ZNF33A: variants seen among roughly 807,000 people sequenced by gnomAD.
ZNF33A encodes the protein brain my041 protein.
In ZNF33A, 9 loss-of-function variants were observed where a neutral mutation model predicts 15.9. The observed-to-expected ratio is 0.57, with a 90% CI of 0.34 to 0.99. ZNF33A has a LOEUF of 0.99. Among genes scored for constraint, ZNF33A ranks in the 50% least tolerant of loss-of-function variants. The pLI, the probability that ZNF33A is intolerant of heterozygous loss-of-function variation, is 0.02. For synonymous variants in ZNF33A, 294 were observed against 324.2 expected (o/e 0.91, Z 1.00); for missense variants, 843 against 941.6 (o/e 0.90, Z 1.37).
downstream of ZNF33A, chr10:38,060,213 G>A (rs1296997203): frequency 1.6e-6 from 1 of 613,492 alleles, no homozygotes; most frequent in Non-Finnish European, 2.0e-6. Context: ...TTAAGGACTA[G>A]TATTTTTGGT....
In ZNF33A at chr10:38,017,380, T is replaced by C; in HGVS notation, c.244T>C (p.Phe82Leu). 1.9e-6 allele frequency: 3 copies of C among 1,613,082 alleles called. 1 individual carries two copies. The highest frequency in any genetic ancestry group is 2.2e-5 in the East Asian group (1 of 44,870). ...KQEEEFPSQS[F>L]PEVWTADHLK... is the part of the protein sequence containing the mutation. ...GGAGGAAGAATTCCCAAGCCAAAGC[T>C]TTCCAGGTGAGTTAATATGTACTGC... The change falls in exon 4 of 5, where the codon TTT becomes CTT. Residue 82 changes from phenylalanine (F) to leucine (L), a missense_variant. Coordinates refer to ENST00000432900, the MANE Select transcript of ZNF33A (RefSeq NM_006954.2).
chr10:38,057,520 T>C lies in ZNF33A; in HGVS notation c.*960T>C. The C allele has an allele frequency of 5.1e-6, 5 of 985,460 alleles. No individual in the cohort carries two copies. Among genetic ancestry groups the C allele is most frequent in the Non-Finnish European group, 6.0e-6 (5 of 829,936 alleles). 61.0% of individuals were successfully genotyped at this position (985,460 alleles called of 1,614,324 possible). ...GGAAGTAGGTATCCTAGTTTAGTAG[T>C]GGTTACATTATCAGGCCCATCCCAG... On this transcript the variant is annotated 3_prime_UTR_variant, in exon 5 of 5. Coordinates refer to ENST00000432900, the MANE Select transcript of ZNF33A (RefSeq NM_006954.2).
Position 38,026,146 on chromosome 10 carries a change from A to C in ZNF33A, c.250+8760A>C, listed in dbSNP as rs190990345. Among the ~76,000 whole-genome samples the C allele has an allele frequency of 3.5e-3, 530 of 152,320 alleles. 14 individuals carry two copies. Among genetic ancestry groups the C allele is most frequent in the Admixed American group, 0.032 (486 of 15,286 alleles). Reference sequence around the variant, plus strand: ...TTAATCCATTCATCTGTTGATATACACTTGGGTCATACACCTTTTGGCTGT... The same window carrying C: ...TTAATCCATTCATCTGTTGATATACCCTTGGGTCATACACCTTTTGGCTGT... On this transcript the variant is annotated intron_variant, in intron 4 of 4. Transcript: ENST00000432900.
Position 38,055,762 on chromosome 10 carries a change from A to G in ZNF33A, c.1638A>G (p.Thr546=). The part of the protein sequence containing the change: ...LKSDLTVHQR[T]HTGQKPFACP... The stretch of plus-strand genomic sequence containing the variant: ...CAGACCTCACAGTACATCAGAGAAC[A>G]CACACAGGGCAGAAACCCTTTGCAT... Residue 546 remains threonine (T), a synonymous_variant, in exon 5 of 5, where the codon ACA becomes ACG. Transcript: ENST00000432900. 2 of 1,580,326 alleles carry G rather than the reference A, an allele frequency of 1.3e-6. No individual in the cohort carries two copies. The highest frequency in any genetic ancestry group is 1.1e-5 in the South Asian group (1 of 88,632).
At chr10:38,067,322 G>T (rs1313617222), downstream of ZNF33A, among the ~76,000 whole-genome samples, 2 of 152,154 alleles carry the variant, frequency 1.3e-5, no homozygotes, top group Non-Finnish European at 2.9e-5. Context: ...CCAAGGAAAT[G>T]AAACAAAAAT....
chr10:38,019,031 A>G (rs543221975), intron 4 of ZNF33A, among the ~76,000 whole-genome samples: 1 of 151,918 alleles, frequency 6.6e-6, no homozygotes, highest in East Asian at 1.9e-4. Flanking sequence ...CATGTGTACA[A>G]GGTGCAGGTT....
upstream of ZNF33A, chr10:38,010,563 C>T (rs993126626): frequency 1.1e-5 from 9 of 822,954 alleles, no homozygotes; most frequent in South Asian, 2.8e-5. Context: ...TCTACCAATC[C>T]GAAGGGCTGC....
At chr10:38,013,516 C>T (rs2064296909) in intron 2 of ZNF33A, among the ~76,000 whole-genome samples, 1 of 151,730 alleles carries the variant, frequency 6.6e-6, no homozygotes. Context: ...CAACCTCCGA[C>T]TCCCTGGTTC....
At chr10:38,012,977 A>G (rs1564829252) in intron 2 of ZNF33A, among the ~76,000 whole-genome samples, 1 of 152,218 alleles carries the variant, frequency 6.6e-6, no homozygotes, top group Non-Finnish European at 1.5e-5. Context: ...CCCATAGTGA[A>G]TAAGCTTCCA....
chr10:38,012,791 A>G (rs11813932), intron 2 of ZNF33A, among the ~76,000 whole-genome samples: 4,152 of 152,272 alleles, frequency 0.027, 140 homozygotes, highest in African/African-American at 0.082. Flanking sequence ...TTCCCAGAAA[A>G]TATAAAGTAA....
intron 4 of ZNF33A, among the ~76,000 whole-genome samples, chr10:38,019,136 T>TC (rs1192562945): frequency 3.1e-4 from 44 of 144,248 alleles, no homozygotes; most frequent in African/African-American, 1.1e-3. Flanking sequence ...CCCTCCCCAC[T>TC]CCCCCCACCC....
chr10:38,011,638 T>G (rs2064190410), intron 1 of ZNF33A, among the ~76,000 whole-genome samples: 1 of 152,104 alleles, frequency 6.6e-6, no homozygotes, highest in Non-Finnish European at 1.5e-5. Context: ...AAAAGATTTT[T>G]TTTGTTTTTT....
chr10:38,054,926 T>A lies in ZNF33A; in HGVS notation c.802T>A (p.Ser268Thr). ...DSSSLLFHQISPSRDNHYEFS... is the reference protein window; with the variant it reads ...DSSSLLFHQITPSRDNHYEFS... ...TTCATCCCTCTTGTTCCATCAGATA[T>A]CTCCGTCAAGGGACAATCACTATGA... Residue 268 changes from serine to threonine, a missense_variant, in exon 5 of 5, where the codon TCT becomes ACT. Ser to Thr is a moderately conservative substitution (Grantham distance 58, BLOSUM62 1). Transcript: ENST00000432900. The A allele has an allele frequency of 6.2e-7, 1 of 1,613,944 alleles. No individual in the cohort carries two copies. Among genetic ancestry groups the A allele is most frequent in the South Asian group, 1.1e-5 (1 of 91,078 alleles).
chr10:38,029,480 T>A (rs1403101609), intron 4 of ZNF33A, among the ~76,000 whole-genome samples: 1 of 152,224 alleles, frequency 6.6e-6, no homozygotes, highest in Non-Finnish European at 1.5e-5. Context: ...CCATTTGAAG[T>A]CGCCTTTTTC....
downstream of ZNF33A, chr10:38,064,416 A>G: frequency 2.6e-6 from 1 of 378,804 alleles, no homozygotes; most frequent in Non-Finnish European, 4.7e-6. Flanking sequence ...CCTCCCGAGG[A>G]GTGTCCACAC....
At chr10:38,054,117 A>G (rs2066339516) in intron 4 of ZNF33A, among the ~76,000 whole-genome samples, 1 of 152,200 alleles carries the variant, frequency 6.6e-6, no homozygotes, top group Admixed American at 6.5e-5. Context: ...TTCTTACACT[A>G]GAAACCAAAT....
chr10:38,013,908 A>G (rs2064318629), intron 2 of ZNF33A, among the ~76,000 whole-genome samples: 1 of 151,904 alleles, frequency 6.6e-6, no homozygotes, highest in Non-Finnish European at 1.5e-5. Flanking sequence ...TCCCCCTCAC[A>G]ATCCTGACAC....
chr10:38,024,163 C>CCAAAAAA (rs1554902706), intron 4 of ZNF33A, among the ~76,000 whole-genome samples: 1 of 93,218 alleles, frequency 1.1e-5, no homozygotes, highest in Non-Finnish European at 2.1e-5. Flanking sequence ...AAAAACAAAA[C>CCAAAAAA]AAAAAAAAAA....
intron 2 of ZNF33A, among the ~76,000 whole-genome samples, chr10:38,012,981 G>A (rs1472247447): frequency 6.6e-6 from 1 of 152,154 alleles, no homozygotes; most frequent in Non-Finnish European, 1.5e-5. Context: ...TAGTGAATAA[G>A]CTTCCAGTGA....
Sources: allele counts gnomAD v4.1 joint callset (sites outside exome capture counted in the v4.1 genomes callset), GRCh38; gene constraint gnomAD v4.1.1; transcripts MANE v1.5; gene names NCBI Gene and HGNC (gene_info 2026-07-23, HGNC 2026-07-21).